The following DACT2 variants were observed in gnomAD, a reference collection of about 807,000 sequenced individuals.
The protein encoded by DACT2 is dapper homolog 2.
In DACT2, 20 loss-of-function variants were observed where a neutral mutation model predicts 22.2. The ratio of observed to expected loss-of-function variants is 0.90; its 90% confidence interval spans 0.63 to 1.31. The LOEUF (loss-of-function observed/expected upper bound fraction) is 1.31. Among genes scored for constraint, DACT2 ranks in the 50% most tolerant of loss-of-function variants. The pLI is 0.00. For synonymous variants in DACT2, 463 were observed against 479.8 expected (o/e 0.96, Z 0.46); for missense variants, 1,048 against 1,061.4 (o/e 0.99, Z 0.18).
intron 1 of DACT2, among the ~76,000 whole-genome samples, chr6:168,314,029 C>T (rs1415674242): frequency 1.4e-5 from 2 of 146,544 alleles, no homozygotes; most frequent in East Asian, 3.9e-4. Flanking sequence ...TAACCCCGAC[C>T]GCTGTCCCGA....
At chr6:168,306,494 G>A (rs1377320868), downstream of DACT2, among the ~76,000 whole-genome samples, 3 of 151,432 alleles carry the variant, frequency 2.0e-5, no homozygotes, top group Non-Finnish European at 4.4e-5. Context: ...CCAAGCTGGA[G>A]TGCAGTGGCG....
At chr6:168,294,507 C>T (rs1038619756) in intron 4 of DACT2, 32 of 512,966 alleles carry the variant, frequency 6.2e-5, no homozygotes, top group Admixed American at 2.1e-4. Context: ...GTGTGATGTT[C>T]CCCTTTCTGT....
chr6:168,301,218 G>C (rs1364158553), intron 3 of DACT2, among the ~76,000 whole-genome samples: 1 of 152,162 alleles, frequency 6.6e-6, no homozygotes, highest in Admixed American at 6.5e-5. Flanking sequence ...TCTCTCACAG[G>C]CATGGAGTCC....
At chr6:168,311,597 T>TCACACACACACACACACACCCATACAC (rs1554271725) in intron 1 of DACT2, among the ~76,000 whole-genome samples, 12 of 100,456 alleles carry the variant, frequency 1.2e-4, no homozygotes, top group South Asian at 6.4e-4. Context: ...CACACACACA[T>TCACACACACACACACACACCCATACAC]ACACACACAC....
intron 1 of DACT2, among the ~76,000 whole-genome samples, chr6:168,313,593 G>A (rs887273005): frequency 7.9e-5 from 12 of 152,190 alleles, no homozygotes; most frequent in African/African-American, 2.9e-4. Flanking sequence ...AAGGGGCTGG[G>A]TGGATCCTTA....
chr6:168,298,754 A>G (rs954656398), intron 3 of DACT2: 6 of 152,236 alleles, frequency 3.9e-5, no homozygotes, highest in African/African-American at 1.4e-4. Flanking sequence ...ACCTTGGGCA[A>G]CAGATTGGTT....
At chr6:168,311,751 T>A (rs1779426090) in intron 1 of DACT2, among the ~76,000 whole-genome samples, 1 of 152,144 alleles carries the variant, frequency 6.6e-6, no homozygotes, top group Admixed American at 6.5e-5. Context: ...CTTTTCAAAT[T>A]ACATTTCTTT....
downstream of DACT2, among the ~76,000 whole-genome samples, chr6:168,306,057 C>T (rs1583294057): frequency 3.9e-5 from 6 of 152,344 alleles, 1 homozygote; most frequent in African/African-American, 2.4e-5. Context: ...CTCACCTACG[C>T]TTTGTTCCAG....
At chr6:168,297,903 G>A (rs746156957) in intron 3 of DACT2, among the ~76,000 whole-genome samples, 25 of 152,350 alleles carry the variant, frequency 1.6e-4, no homozygotes, top group African/African-American at 2.9e-4. Flanking sequence ...GGCGCAGCCC[G>A]GGTGGGTCCG....
chr6:168,307,235 A>G lies in DACT2; in HGVS notation c.*197T>C. On this transcript the variant is annotated 3_prime_UTR_variant, in exon 4 of 4. Transcript: ENST00000366795. This position sits in a 1 kb window ranked among gnomAD's most constrained non-coding sequence, Gnocchi z 5.3. ...CTGGCATCTGAAACCAGAGCTCCGC[A>G]TGGAAGTCTTTGCTGGGGCGGGGAC... 7.1e-7 allele frequency: 1 copy of G among 1,417,020 alleles called. No homozygotes were observed. The highest frequency in any genetic ancestry group is 9.2e-7 in the Non-Finnish European group (1 of 1,090,694). 87.8% of individuals were successfully genotyped at this position (1,417,020 alleles called of 1,614,324 possible).
At chr6:168,294,602 T>A in intron 4 of DACT2, 3 of 812,078 alleles carry the variant, frequency 3.7e-6, no homozygotes, top group Non-Finnish European at 5.1e-6. Context: ...TATATATATA[T>A]ACACATATAA....
Position 168,311,270 on chromosome 6 carries a change from T to C in DACT2, c.261A>G (p.Gln87=), listed in dbSNP as rs779343422. ...GGTGGGTCTTCAGGCCGATGTCCTG[T>C]TGTCTCAGCCGGGACTGAGAAGGGA... is the stretch of plus-strand genomic sequence containing the variant. The part of the protein sequence containing the change: ...ALQEQLSRLR[Q]QDIGLKTHLD... Residue 87 remains glutamine, a synonymous_variant, in exon 2 of 4, where the codon CAA becomes CAG. Transcript: ENST00000366795. 1 of 1,548,524 alleles carries C rather than the reference T, an allele frequency of 6.5e-7. No individual in the cohort carries two copies. Among genetic ancestry groups the C allele is most frequent in the Non-Finnish European group, 8.7e-7 (1 of 1,144,188 alleles).
chr6:168,307,974 C>T lies in DACT2; in HGVS notation c.1783G>A (p.Ala595Thr). Residue 595 changes from alanine to threonine, a missense_variant, in exon 4 of 4, where the codon GCG becomes ACG. By Grantham distance (58) the Ala-to-Thr change is moderately conservative. Transcript: ENST00000366795. The surrounding 1 kb of genome is among the most constrained non-coding windows in gnomAD (Gnocchi z 5.3). ...CTGGCCACTGAGGTGAGCAGTGACG[C>T]CTCAAAGGGGAACAGGGCTTGGGCT... ...TSAQALFPFE[A>T]SLLTSVARRK... 1 of 1,551,150 alleles carries T rather than the reference C, an allele frequency of 6.4e-7. No individual in the cohort carries two copies. Among genetic ancestry groups the T allele is most frequent in the Non-Finnish European group, 8.7e-7 (1 of 1,146,890 alleles).
downstream of DACT2, among the ~76,000 whole-genome samples, chr6:168,303,437 T>G (rs559127991): frequency 6.6e-6 from 1 of 152,304 alleles, no homozygotes; most frequent in Non-Finnish European, 1.5e-5. Flanking sequence ...AATGGCCTAG[T>G]TCCCGAGAGA....
chr6:168,307,245 T>G lies in DACT2; in HGVS notation c.*187A>C. ...AAACCAGAGCTCCGCATGGAAGTCT[T>G]TGCTGGGGCGGGGACTCACGGCCAT... On this transcript the variant is annotated 3_prime_UTR_variant, in exon 4 of 4. Coordinates refer to ENST00000366795, the MANE Select transcript of DACT2 (RefSeq NM_214462.5). The surrounding 1 kb of genome is among the most constrained non-coding windows in gnomAD (Gnocchi z 5.3). 7.1e-7 allele frequency: 1 copy of G among 1,416,186 alleles called. No individual in the cohort carries two copies. Among genetic ancestry groups the G allele is most frequent in the East Asian group, 2.6e-5 (1 of 38,288 alleles). 87.7% of individuals were successfully genotyped at this position (1,416,186 alleles called of 1,614,324 possible).
In DACT2 at chr6:168,319,769, C is replaced by A. The variant is rs1779604702; in HGVS notation, c.-136G>T. ...CGGCTCCGCAGGTCGCCAAGGTGGG[C>A]TGGAATCTGTGGCCAGGCGCGGAGG... is the stretch of plus-strand genomic sequence containing the variant. On this transcript the variant is annotated 5_prime_UTR_variant, in exon 1 of 4. Transcript: ENST00000366795. The A allele has an allele frequency of 1.7e-6, 2 of 1,168,364 alleles. No individual in the cohort carries two copies. Among genetic ancestry groups the A allele is most frequent in the Non-Finnish European group, 2.1e-6 (2 of 946,444 alleles). The allele number at this position is 1,168,364 out of a possible 1,614,324, so 72.4% of individuals were successfully genotyped here. A position where few individuals can be genotyped will look rare whatever the true frequency, so the allele number is the denominator to read the frequency against.
At chr6:168,313,500 A>C (rs1234665887) in intron 1 of DACT2, among the ~76,000 whole-genome samples, 1 of 152,160 alleles carries the variant, frequency 6.6e-6, no homozygotes, top group Non-Finnish European at 1.5e-5. Flanking sequence ...CCAAGTGAAT[A>C]GCACCACCCG....
In DACT2 at chr6:168,313,766, C is replaced by T. The variant is rs191476976; in HGVS notation, c.247-2482G>A. Among the ~76,000 whole-genome samples, 23 of 152,298 alleles carry T rather than the reference C, an allele frequency of 1.5e-4. No homozygotes were observed. In the East Asian group the frequency reaches 2.7e-3, roughly 18 times the overall value. On this transcript the variant is annotated intron_variant, in intron 1 of 3. Coordinates refer to ENST00000366795, the MANE Select transcript of DACT2 (RefSeq NM_214462.5). ...CTTCTGAAGGAGGGAAGCCCCTGCA[C>T]CCCAGCCAGCTTTGTCCTCCTCCCC... is the stretch of plus-strand genomic sequence containing the variant.
intron 5 of DACT2, chr6:168,294,060 A>C: frequency 4.3e-6 from 3 of 702,980 alleles, no homozygotes; most frequent in South Asian, 1.5e-5. Flanking sequence ...CACGATGCCC[A>C]TGAGCACAGA....
Sources: gnomAD v4.1 joint callset for allele counts (sites outside exome capture counted in the v4.1 genomes callset) on GRCh38, gnomAD v4.1.1 for gene constraint, Gnocchi (gnomAD v3.1) non-coding constraint, MANE v1.5 for transcripts, NCBI Gene and HGNC (gene_info 2026-07-23, HGNC 2026-07-21) for gene names.